Variants in AP2A2 observed in about 807,000 individuals in gnomAD.
AP2A2 encodes the protein adaptor related protein complex 2 subunit alpha 2.
Under a neutral mutation model 104.2 loss-of-function variants are expected in AP2A2, and 32 were observed. The observed-to-expected ratio is 0.31, with a 90% CI of 0.23 to 0.41. The LOEUF is 0.41. AP2A2 is among the 10% of genes least tolerant of loss of function. The pLI is 1.00. For missense variants in AP2A2, 912 were observed against 1,261.0 expected, an observed-to-expected ratio of 0.72 and a Z score of 4.19; for synonymous variants, 539 against 533.3, an observed-to-expected ratio of 1.01 and a Z score of -0.15.
At chr11:986,186 A>G (rs1855449719) in intron 8 of AP2A2, among the ~76,000 whole-genome samples, 1 of 152,218 alleles carries the variant, frequency 6.6e-6, no homozygotes, top group Admixed American at 6.5e-5. Context: ...TAATGAGGGC[A>G]CGTGCCAGGC....
At chr11:975,927 A>G (rs1167136717) in intron 4 of AP2A2, among the ~76,000 whole-genome samples, 1 of 152,098 alleles carries the variant, frequency 6.6e-6, no homozygotes. Context: ...TCTTCTGCCT[A>G]AAAGAGGAGG....
chr11:997,532 C>A (rs773841577), intron 14 of AP2A2, among the ~76,000 whole-genome samples: 4 of 152,222 alleles, frequency 2.6e-5, no homozygotes, highest in Non-Finnish European at 4.4e-5. Flanking sequence ...TCTGGCCTCG[C>A]TGTTACAATC....
At chr11:953,837 C>CTT (rs764828583) in intron 1 of AP2A2, among the ~76,000 whole-genome samples, 147 of 140,114 alleles carry the variant, frequency 1.0e-3, no homozygotes, top group East Asian at 3.3e-3. Context: ...TACCTTCTCT[C>CTT]TTTTTTTTTT....
chr11:1,008,466 G>A, intron 18 of AP2A2: 1 of 278,790 alleles, frequency 3.6e-6, no homozygotes, highest in Non-Finnish European at 6.7e-6. Flanking sequence ...CCAGACGACA[G>A]CTGTGGGGTG....
At chr11:975,223 C>T (rs1225346664) in intron 4 of AP2A2, among the ~76,000 whole-genome samples, 8 of 152,148 alleles carry the variant, frequency 5.3e-5, no homozygotes, top group Admixed American at 3.9e-4. Flanking sequence ...GTGGGGTCCT[C>T]GGTCTCCCTC....
chr11:1,001,771 G>C (rs963261533), intron 15 of AP2A2, among the ~76,000 whole-genome samples: 1 of 152,184 alleles, frequency 6.6e-6, no homozygotes, highest in Admixed American at 6.5e-5. Context: ...GCCCTTCCCT[G>C]CTGGGCGCTG....
At chr11:927,853 C>G (rs563386303) in intron 1 of AP2A2, among the ~76,000 whole-genome samples, 2 of 144,508 alleles carry the variant, frequency 1.4e-5, no homozygotes, top group East Asian at 4.0e-4. Flanking sequence ...CTTAGAAACA[C>G]CCTCAGATCA....
intron 1 of AP2A2, among the ~76,000 whole-genome samples, chr11:954,722 GGTGT>G (rs56329960): frequency 6.6e-6 from 1 of 150,774 alleles, no homozygotes; most frequent in South Asian, 2.1e-4. Context: ...GTGTGTATTT[GGTGT>G]GTGTGTGTGT....
intron 5 of AP2A2, among the ~76,000 whole-genome samples, chr11:978,197 G>T (rs1224826069): frequency 2.6e-5 from 4 of 152,152 alleles, no homozygotes; most frequent in Non-Finnish European, 5.9e-5. Flanking sequence ...CAGGCCCCGG[G>T]CTCCTGCTGC....
intron 16 of AP2A2, among the ~76,000 whole-genome samples, chr11:1,004,976 C>T (rs1253508686): frequency 6.6e-6 from 1 of 152,148 alleles, no homozygotes; most frequent in Non-Finnish European, 1.5e-5. Context: ...AGCAGTTCCA[C>T]GTCTGGGTAC....
chr11:943,761 G>A (rs1028444035), intron 1 of AP2A2, among the ~76,000 whole-genome samples: 22 of 151,046 alleles, frequency 1.5e-4, no homozygotes, highest in African/African-American at 4.2e-4. Flanking sequence ...AGGTGGCAGC[G>A]GAGATGGCAA....
In AP2A2 at chr11:1,011,080, T is replaced by C. The variant is rs756816188; in HGVS notation, c.*455T>C. The C allele has an allele frequency of 2.5e-5, 15 of 606,980 alleles. No homozygotes were observed. The highest frequency in any genetic ancestry group is 3.8e-5 in the Non-Finnish European group (12 of 318,054). 37.6% of individuals were successfully genotyped at this position (606,980 alleles called of 1,614,324 possible). A position where few individuals can be genotyped will look rare whatever the true frequency, so the allele number is the denominator to read the frequency against. ...GGTGGCTGCACACCTGGCGTCGTCC[T>C]GGGCCCTTGGGAGGAGCACAGCTGA... On this transcript the variant is annotated 3_prime_UTR_variant, in exon 22 of 22. Coordinates refer to ENST00000448903, the MANE Select transcript of AP2A2 (RefSeq NM_012305.4).
intron 18 of AP2A2, chr11:1,008,747 G>A (rs1856298947): frequency 5.7e-6 from 2 of 347,924 alleles, no homozygotes; most frequent in South Asian, 1.1e-4. Flanking sequence ...AGAATTCGGG[G>A]ACATAGACAT....
chr11:999,104 A>G (rs1855947068), intron 14 of AP2A2, among the ~76,000 whole-genome samples: 2 of 152,140 alleles, frequency 1.3e-5, no homozygotes, highest in Non-Finnish European at 2.9e-5. Context: ...CTGCTGGGGC[A>G]TTGCTGGGGA....
At chr11:995,395 C>T in intron 14 of AP2A2, 1 of 455,820 alleles carries the variant, frequency 2.2e-6, no homozygotes, top group Non-Finnish European at 4.4e-6. Context: ...GCCAGCTGTT[C>T]CCCTCTGCAC....
In AP2A2 at chr11:1,010,748, C is replaced by T. The variant is rs948069434; in HGVS notation, c.*123C>T. The stretch of plus-strand genomic sequence containing the variant: ...CCACAGCACAAGGCGCCTCCCCGCC[C>T]CGCCGCCCCACACCTCTCCCCTTTG... On this transcript the variant is annotated 3_prime_UTR_variant, in exon 22 of 22. Transcript: ENST00000448903. 3 of 810,744 alleles carry T rather than the reference C, an allele frequency of 3.7e-6. No homozygotes were observed. Among genetic ancestry groups the T allele is most frequent in the African/African-American group, 1.7e-5 (1 of 58,918 alleles). 50.2% of individuals were successfully genotyped at this position (810,744 alleles called of 1,614,324 possible). A position where few individuals can be genotyped will look rare whatever the true frequency, so the allele number is the denominator to read the frequency against.
intron 1 of AP2A2, among the ~76,000 whole-genome samples, chr11:937,842 T>C (rs1159016212): frequency 6.6e-6 from 1 of 152,186 alleles, no homozygotes; most frequent in Non-Finnish European, 1.5e-5. Context: ...CTGTCTATAC[T>C]TATTTACAGA....
At chr11:933,319 A>G (rs1014880576) in intron 1 of AP2A2, among the ~76,000 whole-genome samples, 4 of 152,230 alleles carry the variant, frequency 2.6e-5, no homozygotes, top group Admixed American at 6.5e-5. Flanking sequence ...ACCAGGCCAC[A>G]TGATGTCCCA....
intron 3 of AP2A2, among the ~76,000 whole-genome samples, 160 bp from the exon 4 acceptor site, chr11:971,902 C>G (rs920102016): frequency 6.6e-6 from 1 of 152,058 alleles, no homozygotes; most frequent in Non-Finnish European, 1.5e-5. Context: ...AGACGTTTGC[C>G]GAATCCTGAG....
Sources: gnomAD v4.1 joint callset for allele counts (sites outside exome capture counted in the v4.1 genomes callset) on GRCh38, gnomAD v4.1.1 for gene constraint, MANE v1.5 for transcripts, NCBI Gene and HGNC (gene_info 2026-07-23, HGNC 2026-07-21) for gene names.